Variants in PDE3B observed in about 807,000 individuals in gnomAD.
PDE3B encodes the protein cGMP-inhibited 3',5'-cyclic phosphodiesterase 3B.
PDE3B carries 66 observed loss-of-function variants against 116.8 expected under a neutral mutation model. The ratio of observed to expected loss-of-function variants is 0.56; its 90% CI spans 0.46 to 0.69. PDE3B has a LOEUF of 0.69. Ranked by LOEUF, PDE3B falls within the 30% of genes least tolerant of loss-of-function variation. The pLI is 0.00. For synonymous variants in PDE3B, 595 were observed against 533.6 expected, an observed-to-expected ratio of 1.12 and a Z score of -1.59; for missense variants, 1,384 against 1,368.1, an observed-to-expected ratio of 1.01 and a Z score of -0.18.
chr11:14,797,153 G>A (rs1858582193), intron 4 of PDE3B, among the ~76,000 whole-genome samples: 1 of 152,190 alleles, frequency 6.6e-6, no homozygotes, highest in Admixed American at 6.5e-5. Context: ...TGTCAGGTTT[G>A]TCAAAGATCA....
At chr11:14,673,519 GAGAT>G (rs1854436870) in intron 1 of PDE3B, 6 of 388,720 alleles carry the variant, frequency 1.5e-5, no homozygotes, top group Non-Finnish European at 3.1e-5. Context: ...GTTTGTACAA[GAGAT>G]AGACTAAGAA....
chr11:14,890,004 C>T, the PDE3B span, among the ~76,000 whole-genome samples: 1 of 152,016 alleles, frequency 6.6e-6, no homozygotes, highest in Non-Finnish European at 1.5e-5. Flanking sequence ...TGGCGAGCAC[C>T]TGTGGTCCCA....
the PDE3B span, among the ~76,000 whole-genome samples, chr11:14,896,453 T>C: frequency 5.9e-5 from 9 of 152,316 alleles, no homozygotes; most frequent in East Asian, 9.6e-4. Flanking sequence ...TTACATTCTA[T>C]TGGGGGATGC....
chr11:14,695,120 C>T (rs1855164168), intron 1 of PDE3B, among the ~76,000 whole-genome samples: 1 of 152,116 alleles, frequency 6.6e-6, no homozygotes, highest in Non-Finnish European at 1.5e-5. Context: ...TCTCGTTTTT[C>T]AATTTCATAT....
At chr11:14,879,649 A>G in the PDE3B span, among the ~76,000 whole-genome samples, 2 of 150,532 alleles carry the variant, frequency 1.3e-5, no homozygotes, top group Admixed American at 6.6e-5. Flanking sequence ...CTGATAACCT[A>G]TAACAAGCCA....
At chr11:14,792,435 A>G (rs1272445493) in intron 4 of PDE3B, among the ~76,000 whole-genome samples, 1 of 152,188 alleles carries the variant, frequency 6.6e-6, no homozygotes, top group Non-Finnish European at 1.5e-5. Context: ...CTATTTGTGT[A>G]AAGAATAATA....
rs1848117288 is a variant in PDE3B at position 14,869,989 on chromosome 11, C to G, written c.*329C>G. 1 of 181,440 alleles carries G rather than the reference C, an allele frequency of 5.5e-6. No homozygotes were observed. The highest frequency in any genetic ancestry group is 1.4e-4 in the East Asian group (1 of 7,316). The allele number at this position is 181,440 out of a possible 1,614,324, so 11.2% of individuals were successfully genotyped here. A position where few individuals can be genotyped will look rare whatever the true frequency, so the allele number is the denominator to read the frequency against. On this transcript the variant is annotated 3_prime_UTR_variant, in exon 16 of 16. Coordinates refer to ENST00000282096, the MANE Select transcript of PDE3B (RefSeq NM_000922.4). ...TGAGCTCTTATTTTTCACTGGGGGTCAGCTATAACTAAAAACTCAAGTGAC... is the reference window on the plus strand; with the variant it reads ...TGAGCTCTTATTTTTCACTGGGGGTGAGCTATAACTAAAAACTCAAGTGAC...
At chr11:14,692,147 A>C (rs1855056665) in intron 1 of PDE3B, among the ~76,000 whole-genome samples, 1 of 152,054 alleles carries the variant, frequency 6.6e-6, no homozygotes, top group Non-Finnish European at 1.5e-5. Flanking sequence ...GGTGGCATGT[A>C]TCTGTAGTCC....
At chr11:14,664,131 T>C (rs1320065914) in intron 1 of PDE3B, among the ~76,000 whole-genome samples, 1 of 152,148 alleles carries the variant, frequency 6.6e-6, no homozygotes, top group Non-Finnish European at 1.5e-5. Context: ...ACCGCTCAAC[T>C]ATATGGAAAC....
intron 14 of PDE3B, among the ~76,000 whole-genome samples, chr11:14,861,701 C>A (rs1171523474): frequency 6.6e-6 from 1 of 152,144 alleles, no homozygotes; most frequent in Admixed American, 6.5e-5. Flanking sequence ...GGGCATAAGG[C>A]AGAGGGAGAG....
intron 4 of PDE3B, among the ~76,000 whole-genome samples, chr11:14,797,224 A>G (rs905238478): frequency 6.6e-6 from 1 of 151,990 alleles, no homozygotes; most frequent in African/African-American, 2.4e-5. Flanking sequence ...TGGTCTATAT[A>G]TCGGTTTGGT....
chr11:14,849,230 A>G (rs943341780), intron 12 of PDE3B, among the ~76,000 whole-genome samples: 28 of 152,366 alleles, frequency 1.8e-4, no homozygotes, highest in African/African-American at 6.5e-4. Context: ...AAAACAAGCA[A>G]TGGGGAAAGG....
chr11:14,844,789 C>T (rs1038531697), intron 12 of PDE3B, among the ~76,000 whole-genome samples: 6 of 152,222 alleles, frequency 3.9e-5, no homozygotes, highest in Admixed American at 1.3e-4. Context: ...GGGGAAAGGG[C>T]GCCCGCCATT....
intron 1 of PDE3B, among the ~76,000 whole-genome samples, chr11:14,730,747 T>C (rs1856434525): frequency 6.6e-6 from 1 of 152,204 alleles, no homozygotes; most frequent in Non-Finnish European, 1.5e-5. Context: ...TCCCTAGATA[T>C]ATCCTTATCT....
the PDE3B span, among the ~76,000 whole-genome samples, chr11:14,881,257 T>C: frequency 6.6e-6 from 1 of 152,092 alleles, no homozygotes; most frequent in African/African-American, 2.4e-5. Context: ...CAAGTAACTA[T>C]GACAGGGGTA....
chr11:14,674,761 C>T (rs182762243), intron 1 of PDE3B, among the ~76,000 whole-genome samples: 1 of 152,126 alleles, frequency 6.6e-6, no homozygotes, highest in South Asian at 2.1e-4. Flanking sequence ...TAGGGAGAGA[C>T]ATCTTGATCC....
chr11:14,793,871 T>C (rs192326286), intron 4 of PDE3B, among the ~76,000 whole-genome samples: 45 of 152,350 alleles, frequency 3.0e-4, no homozygotes, highest in Admixed American at 5.9e-4. Context: ...CAAGGTTATA[T>C]TAGCAAACTT....
chr11:14,686,640 C>A (rs1210662485), intron 1 of PDE3B, among the ~76,000 whole-genome samples: 3 of 151,930 alleles, frequency 2.0e-5, no homozygotes, highest in Non-Finnish European at 4.4e-5. Flanking sequence ...TTTTAAATTA[C>A]CTTACCATCT....
At chr11:14,703,789 T>TGA (rs1167299503) in intron 1 of PDE3B, among the ~76,000 whole-genome samples, 1 of 151,808 alleles carries the variant, frequency 6.6e-6, no homozygotes, top group Non-Finnish European at 1.5e-5. Context: ...TGTGTGTGTG[T>TGA]GAGACATTCC....
Sources: gnomAD v4.1 joint callset for allele counts (sites outside exome capture counted in the v4.1 genomes callset) on GRCh38, gnomAD v4.1.1 for gene constraint, MANE v1.5 for transcripts, NCBI Gene and HGNC (gene_info 2026-07-23, HGNC 2026-07-21) for gene names.